The following LMOD2 variants were observed in gnomAD, a reference collection of about 807,000 sequenced individuals.
LMOD2 encodes leiomodin-2.
A neutral mutation model predicts 41.7 loss-of-function variants in LMOD2; 27 were observed. The observed-to-expected ratio is 0.65, with a 90% confidence interval of 0.48 to 0.89. The LOEUF (loss-of-function observed/expected upper bound fraction) is 0.89, where lower values mean the gene tolerates loss of function less well. LMOD2 is among the 40% of genes least tolerant of loss of function. The pLI is 0.00. For missense variants in LMOD2, 624 were observed against 667.9 expected, an observed-to-expected ratio of 0.93 and a Z score of 0.72; for synonymous variants, 251 against 244.6, an observed-to-expected ratio of 1.03 and a Z score of -0.25.
chr7:123,662,120 C>T lies in LMOD2; in HGVS notation c.534C>T (p.Gly178=). The T allele has an allele frequency of 2.5e-6, 4 of 1,612,892 alleles. No homozygotes were observed. The highest frequency in any genetic ancestry group is 3.4e-6 in the Non-Finnish European group (4 of 1,179,374). Residue 178 remains glycine (G), a synonymous_variant, in exon 2 of 3, where the codon GGC becomes GGT. Transcript: ENST00000458573. This position sits in a 1 kb window ranked among gnomAD's most constrained non-coding sequence, Gnocchi z 4.0. ...TAGAGAACATAAATTTGACCAATGG[C>T]AGCAATGGGAGGAACACAGAGTCCC... ...SQIENINLTN[G]SNGRNTESPA... is the part of the protein sequence containing the mutation.
At chr7:123,657,399 G>A (rs114742628) in intron 1 of LMOD2, among the ~76,000 whole-genome samples, 7 of 152,298 alleles carry the variant, frequency 4.6e-5, no homozygotes, top group African/African-American at 1.7e-4. Flanking sequence ...CTTGATGATA[G>A]GGTTATCTTG....
chr7:123,663,611 A>T (rs867867448), intron 2 of LMOD2, 108 bp from the exon 3 acceptor site: 12 of 890,628 alleles, frequency 1.3e-5, no homozygotes, highest in Middle Eastern at 4.5e-4. Flanking sequence ...ATGCAGCAAT[A>T]ATCAACCTGA....
chr7:123,663,059 T>A lies in LMOD2; in HGVS notation c.1473T>A (p.Ser491Arg). 2 of 1,556,652 alleles carry A rather than the reference T, an allele frequency of 1.3e-6. No individual in the cohort carries two copies. The highest frequency in any genetic ancestry group is 2.4e-5 in the South Asian group (2 of 84,114). The change falls in exon 2 of 3, where the codon AGT (serine) becomes AGA (arginine). Residue 491 changes from serine to arginine, a missense_variant. Coordinates refer to ENST00000458573, the MANE Select transcript of LMOD2 (RefSeq NM_207163.3). ...KGKKVKKQPN[S>R]ILKEIKNSLR... ...AAAAGGTCAAGAAACAGCCAAACAG[T>A]ATTCTAAAGGAAATAAAAAATTCTC...
chr7:123,656,806 T>C (rs1802794533), intron 1 of LMOD2, among the ~76,000 whole-genome samples: 1 of 152,106 alleles, frequency 6.6e-6, no homozygotes, highest in Non-Finnish European at 1.5e-5. Flanking sequence ...TCTTTAGACC[T>C]TGAACAATCA....
At chr7:123,656,871 C>A (rs1479446549) in intron 1 of LMOD2, among the ~76,000 whole-genome samples, 1 of 152,056 alleles carries the variant, frequency 6.6e-6, no homozygotes, top group Non-Finnish European at 1.5e-5. Flanking sequence ...GACAGTGTTT[C>A]TTTTGCGAAT....
At chr7:123,656,838 C>T (rs1157127913) in intron 1 of LMOD2, among the ~76,000 whole-genome samples, 2 of 152,122 alleles carry the variant, frequency 1.3e-5, no homozygotes, top group African/African-American at 4.8e-5. Context: ...TTCTCTTTCC[C>T]TCTGGACATT....
rs1215474640 is a variant in LMOD2 at position 123,662,157 on chromosome 7, C to A, written c.571C>A (p.His191Asn). ...GRNTESPAAI[H>N]PCGNPTVIED... is the part of the protein sequence containing the mutation. ...GAACACAGAGTCCCCAGCTGCCATT[C>A]ACCCTTGTGGAAATCCTACAGTGAT... The change falls in exon 2 of 3, where the codon CAC (histidine) becomes AAC (asparagine). Residue 191 changes from histidine to asparagine, a missense_variant. His to Asn is a moderately conservative substitution (Grantham distance 68). Coordinates refer to ENST00000458573, the MANE Select transcript of LMOD2 (RefSeq NM_207163.3). The surrounding 1 kb of genome is among the most constrained non-coding windows in gnomAD (Gnocchi z 4.0). 3.1e-6 allele frequency: 5 copies of A among 1,613,668 alleles called. No homozygotes were observed. The African/African-American group carries it at 6.7e-5, about 22-fold the overall frequency.
rs59368181 is a variant in LMOD2 at position 123,660,252 on chromosome 7, T to G, written c.274-1608T>G. On this transcript the variant is annotated intron_variant, in intron 1 of 2. Transcript: ENST00000458573. ...TTTTCTTATGTTGTTGCATTGTGACTTGCAGCCAGCTGCCACCAAACATTT... is the reference window on the plus strand; with the variant it reads ...TTTTCTTATGTTGTTGCATTGTGACGTGCAGCCAGCTGCCACCAAACATTT... Among the ~76,000 whole-genome samples the G allele has an allele frequency of 6.6e-3, 1,007 of 152,080 alleles. 13 individuals are homozygous for G. Among genetic ancestry groups the G allele is most frequent in the African/African-American group, 0.023 (968 of 41,464 alleles).
intron 1 of LMOD2, among the ~76,000 whole-genome samples, chr7:123,660,926 T>A (rs1407567053): frequency 6.6e-6 from 1 of 152,150 alleles, no homozygotes; most frequent in African/African-American, 2.4e-5. Context: ...ACTTCAAGAT[T>A]TTCTGCTGTT....
Position 123,655,885 on chromosome 7 carries a change from A to T in LMOD2, c.-79A>T. 1 of 1,374,526 alleles carries T rather than the reference A, an allele frequency of 7.3e-7. No homozygotes were observed. Among genetic ancestry groups the T allele is most frequent in the South Asian group, 1.4e-5 (1 of 72,598 alleles). 85.1% of individuals were successfully genotyped at this position (1,374,526 alleles called of 1,614,324 possible). On this transcript the variant is annotated 5_prime_UTR_variant, in exon 1 of 3. Coordinates refer to ENST00000458573, the MANE Select transcript of LMOD2 (RefSeq NM_207163.3). ...AGCACCAGTTGTTGACCAGCCTGCC[A>T]CTTGCCTCCCTGCCTGCTTCTGGCC...
At chr7:123,657,183 T>A (rs1161023558) in intron 1 of LMOD2, among the ~76,000 whole-genome samples, 1 of 151,944 alleles carries the variant, frequency 6.6e-6, no homozygotes, top group African/African-American at 2.4e-5. Flanking sequence ...CAGAAGGAAG[T>A]CCAAAAGACT....
At chr7:123,657,811 C>CAAAAA (rs1009900124) in intron 1 of LMOD2, among the ~76,000 whole-genome samples, 4 of 35,996 alleles carry the variant, frequency 1.1e-4, no homozygotes, top group East Asian at 8.7e-4. Context: ...CTCATCTCTA[C>CAAAAA]AAAAAAAAAA....
intron 1 of LMOD2, among the ~76,000 whole-genome samples, chr7:123,657,991 TAAAAAAAA>T (rs10693592): frequency 9.9e-5 from 9 of 90,584 alleles, no homozygotes; most frequent in Admixed American, 2.7e-4. Flanking sequence ...CTTGTCTCAT[TAAAAAAAA>T]AAAAAAAAAA....
chr7:123,662,689 G>A lies in LMOD2; in HGVS notation c.1103G>A (p.Gly368Glu), dbSNP rs1047347138. The change falls in exon 2 of 3, where the codon GGA (glycine) becomes GAA (glutamate). Residue 368 changes from glycine to glutamate, a missense_variant. Gly to Glu is a moderately conservative substitution (Grantham distance 98, BLOSUM62 -2). Transcript: ENST00000458573. This position sits in a 1 kb window ranked among gnomAD's most constrained non-coding sequence, Gnocchi z 4.0. ...KRLQEQKQQE[G>E]YDGGPNLRTK... ...TTGCAGGAGCAAAAACAGCAGGAGG[G>A]ATACGATGGAGGACCCAATCTTAGG... 16 of 1,613,872 alleles carry A rather than the reference G, an allele frequency of 9.9e-6. No homozygotes were observed. Among genetic ancestry groups the A allele is most frequent in the Non-Finnish European group, 1.4e-5 (16 of 1,179,888 alleles).
chr7:123,661,766 T>A (rs913111234), intron 1 of LMOD2, 94 bp from the exon 2 acceptor site: 15 of 759,686 alleles, frequency 2.0e-5, no homozygotes, highest in Non-Finnish European at 2.9e-5. Flanking sequence ...TATAAACTTA[T>A]GTCACTTGCC....
chr7:123,663,878 C>A lies in LMOD2; in HGVS notation c.*133C>A. The A allele has an allele frequency of 1.5e-6, 1 of 684,404 alleles. No homozygotes were observed. The highest frequency in any genetic ancestry group is 2.4e-6 in the Non-Finnish European group (1 of 413,144). The allele number at this position is 684,404 out of a possible 1,614,324, so 42.4% of individuals were successfully genotyped here. ...TAAAAATAATCTCACCCATTAATTC[C>A]AAAGAGAATCTTAAGAAACAATCAG... On this transcript the variant is annotated 3_prime_UTR_variant, in exon 3 of 3. Transcript: ENST00000458573.
Position 123,662,201 on chromosome 7 carries a change from G to A in LMOD2, c.615G>A (p.Lys205=), listed in dbSNP as rs781594608. ...CAGTGATTGAGGACGCTTTGGACAA[G>A]ATTAAAAGCAATGACCCTGACACCA... ...NPTVIEDALD[K]IKSNDPDTTE... The change falls in exon 2 of 3, where the codon AAG becomes AAA. Residue 205 remains lysine (K), a synonymous_variant. Coordinates refer to ENST00000458573, the MANE Select transcript of LMOD2 (RefSeq NM_207163.3). The surrounding 1 kb of genome is among the most constrained non-coding windows in gnomAD (Gnocchi z 4.0). 1 of 1,613,958 alleles carries A rather than the reference G, an allele frequency of 6.2e-7. No individual in the cohort carries two copies. The highest frequency in any genetic ancestry group is 1.7e-5 in the Admixed American group (1 of 60,012).
chr7:123,656,292 A>T, intron 1 of LMOD2, 56 bp downstream of exon 1: 3 of 1,514,092 alleles, frequency 2.0e-6, no homozygotes, highest in Non-Finnish European at 2.7e-6. Flanking sequence ...CCCCATCCCA[A>T]ACCCAGACAC....
intron 1 of LMOD2, among the ~76,000 whole-genome samples, chr7:123,659,147 A>G (rs1348020459): frequency 6.6e-6 from 1 of 152,210 alleles, no homozygotes. Flanking sequence ...AGGAGAAACA[A>G]CCGGCCACTC....
Sources: allele counts gnomAD v4.1 joint callset (sites outside exome capture counted in the v4.1 genomes callset), GRCh38; gene constraint gnomAD v4.1.1; non-coding constraint Gnocchi (gnomAD v3.1); transcripts MANE v1.5; gene names NCBI Gene and HGNC (gene_info 2026-07-23, HGNC 2026-07-21).